The following NPTX2 variants were observed in gnomAD, a reference collection of about 807,000 sequenced individuals.
The protein encoded by NPTX2 is neuronal pentraxin 2.
In NPTX2, 23 loss-of-function variants were observed where a neutral mutation model predicts 38.1. The ratio of observed to expected loss-of-function variants is 0.60; its 90% confidence interval spans 0.43 to 0.85. The LOEUF (loss-of-function observed/expected upper bound fraction) is 0.85. Among genes scored for constraint, NPTX2 ranks in the 40% least tolerant of loss-of-function variants. The pLI is 0.00. For missense variants in NPTX2, 553 were observed against 615.3 expected (o/e 0.90, Z 1.07); for synonymous variants, 291 against 287.3 (o/e 1.01, Z -0.13).
intron 1 of NPTX2, 119 bp downstream of exon 1, chr7:98,618,006 GGGGTGAGCTGGACTTGA>G (rs1477612007): frequency 2.9e-6 from 3 of 1,027,364 alleles, no homozygotes; most frequent in Non-Finnish European, 4.1e-6. Context: ...ATCGTCCGTG[GGGGTGAGCTGGACTTGA>G]GGGTGAAAGG....
chr7:98,618,595 T>TCCCCCCCCC (rs1221869556), intron 1 of NPTX2, among the ~76,000 whole-genome samples: 60 of 29,112 alleles, frequency 2.1e-3, no homozygotes, highest in Admixed American at 3.2e-3. Flanking sequence ...TCCCCCTCCG[T>TCCCCCCCCC]CCCCCCCCCC....
Position 98,628,671 on chromosome 7 carries a change from C to A in NPTX2, c.*42C>A. 3 of 987,624 alleles carry A rather than the reference C, an allele frequency of 3.0e-6. No homozygotes were observed. The highest frequency in any genetic ancestry group is 2.6e-5 in the East Asian group (1 of 38,084). The allele number at this position is 987,624 out of a possible 1,614,324, so 61.2% of individuals were successfully genotyped here. On this transcript the variant is annotated 3_prime_UTR_variant, in exon 5 of 5. Transcript: ENST00000265634. ...CCAGGAGGCCGGGATCAGGCTGTTG[C>A]CATGGAAGTTCAGGGCCATAGACTG...
At position 98,625,034 on chromosome 7, in the gene NPTX2, C is replaced by G. The variant is rs142709332; in HGVS notation, c.756C>G (p.Ile252Met). The G allele has an allele frequency of 6.1e-4, 989 of 1,613,798 alleles. 1 individual carries two copies. Among genetic ancestry groups the G allele is most frequent in the Non-Finnish European group, 7.7e-4 (909 of 1,180,044 alleles). The stretch of plus-strand genomic sequence containing the variant: ...TGCCTGAGCTGTACGCCTTCACCAT[C>G]TGCCTGTGGCTGCGGTCCAGCGCCT... Reference protein sequence around the residue: ...KTLPELYAFTICLWLRSSASP... With the variant: ...KTLPELYAFTMCLWLRSSASP... The change falls in exon 3 of 5, where the codon ATC becomes ATG. Residue 252 changes from isoleucine to methionine, a missense_variant. Coordinates refer to ENST00000265634, the MANE Select transcript of NPTX2 (RefSeq NM_002523.3).
At chr7:98,626,494 A>AT (rs1791352839) in intron 3 of NPTX2, among the ~76,000 whole-genome samples, 1 of 152,128 alleles carries the variant, frequency 6.6e-6, no homozygotes, top group Non-Finnish European at 1.5e-5. Context: ...ATAACACCCT[A>AT]TGACACAGTG....
chr7:98,621,376 T>C (rs549355349), intron 2 of NPTX2, among the ~76,000 whole-genome samples: 1 of 152,278 alleles, frequency 6.6e-6, no homozygotes, highest in South Asian at 2.1e-4. Flanking sequence ...CTGCTGGCCA[T>C]TTATGCACCC....
rs1163743784 is a variant in NPTX2 at position 98,625,157 on chromosome 7, C to A, written c.879C>A (p.Ile293=). ...GCAACAACCCCATCGAGCTGCTCAT[C>A]AACGACAAGGTGAGGCCCGCCTGCA... ...EWGNNPIELL[I]NDKVAQLPLF... is the part of the protein sequence containing the mutation. Residue 293 remains isoleucine (I), a synonymous_variant, in exon 3 of 5, where the codon ATC becomes ATA. Transcript: ENST00000265634. The A allele has an allele frequency of 6.3e-7, 1 of 1,590,892 alleles. No individual in the cohort carries two copies. The highest frequency in any genetic ancestry group is 2.3e-5 in the East Asian group (1 of 44,422).
Position 98,628,444 on chromosome 7 carries a change from G to A in NPTX2, c.1111G>A (p.Gly371Arg), listed in dbSNP as rs1402756746. 1.2e-6 allele frequency: 2 copies of A among 1,611,066 alleles called. No individual in the cohort carries two copies. The highest frequency in any genetic ancestry group is 1.7e-6 in the Non-Finnish European group (2 of 1,178,124). Residue 371 changes from glycine (G) to arginine (R), a missense_variant, in exon 5 of 5, where the codon GGG (glycine) becomes AGG (arginine). By Grantham distance (125) the Gly-to-Arg change is moderately radical (BLOSUM62 -2). Coordinates refer to ENST00000265634, the MANE Select transcript of NPTX2 (RefSeq NM_002523.3). ...GTTTGATGCCACTCAGGCATTTGTC[G>A]GGGAGCTCAGCCAGTTCAACATATG... is the stretch of plus-strand genomic sequence containing the variant. ...GRFDATQAFV[G>R]ELSQFNIWDR...
intron 4 of NPTX2, 51 bp downstream of exon 4, chr7:98,627,395 CAG>C: frequency 6.5e-7 from 1 of 1,529,062 alleles, no homozygotes; most frequent in South Asian, 1.1e-5. Context: ...AGGATGGGCA[CAG>C]GGTGGCCGTG....
At chr7:98,622,312 C>T (rs1320019890) in intron 2 of NPTX2, among the ~76,000 whole-genome samples, 1 of 152,182 alleles carries the variant, frequency 6.6e-6, no homozygotes, top group Non-Finnish European at 1.5e-5. Flanking sequence ...GGTACAGGCC[C>T]CCTCCTCTGC....
At chr7:98,623,700 A>T (rs1462491621) in intron 2 of NPTX2, among the ~76,000 whole-genome samples, 2 of 152,220 alleles carry the variant, frequency 1.3e-5, no homozygotes, top group Non-Finnish European at 2.9e-5. Context: ...TCACCTCGGC[A>T]GTGGTAATTC....
At chr7:98,618,826 G>T (rs1023281685) in intron 1 of NPTX2, among the ~76,000 whole-genome samples, 1 of 151,764 alleles carries the variant, frequency 6.6e-6, no homozygotes, top group African/African-American at 2.4e-5. Flanking sequence ...GTTTCTTTTG[G>T]CGTGAGGGCT....
At chr7:98,624,568 G>A (rs530638732) in intron 2 of NPTX2, among the ~76,000 whole-genome samples, 34 of 152,202 alleles carry the variant, frequency 2.2e-4, no homozygotes, top group Non-Finnish European at 4.7e-4. Context: ...TCTTCTGCAG[G>A]TCTTTCCAGG....
chr7:98,624,836 G>T, intron 2 of NPTX2, 86 bp from the exon 3 acceptor site: 1 of 1,517,542 alleles, frequency 6.6e-7, no homozygotes, highest in African/African-American at 1.4e-5. Flanking sequence ...CTTCTTGTGG[G>T]TCTAGCAAGA....
chr7:98,619,347 A>C (rs181453664), intron 1 of NPTX2, among the ~76,000 whole-genome samples: 8 of 152,296 alleles, frequency 5.3e-5, no homozygotes, highest in African/African-American at 1.9e-4. Context: ...CCCAACATAG[A>C]ATTCTAGGCG....
At chr7:98,617,942 GGGCGGAAGACTC>G in intron 1 of NPTX2, 55 bp downstream of exon 1, 4 of 1,508,938 alleles carry the variant, frequency 2.7e-6, no homozygotes, top group Non-Finnish European at 2.6e-6. Flanking sequence ...CCCGAGTCGG[GGGCGGAAGACTC>G]GGGAGGATGG....
rs541392750 is a variant in NPTX2, at chr7:98,622,787, G to A, written c.644-2135G>A. On this transcript the variant is annotated intron_variant, in intron 2 of 4. Coordinates refer to ENST00000265634, the MANE Select transcript of NPTX2 (RefSeq NM_002523.3). ...TGCCCAGCAGCTCTGCAGTGGCATC[G>A]AGAGGTGCCCATCCTTAGGAGGTCA... is the stretch of plus-strand genomic sequence containing the variant. Among the ~76,000 whole-genome samples the A allele has an allele frequency of 3.5e-4, 54 of 152,292 alleles. 1 individual carries two copies. The highest frequency in any genetic ancestry group is 1.3e-3 in the African/African-American group (52 of 41,566).
chr7:98,623,824 C>T (rs763659746), intron 2 of NPTX2, among the ~76,000 whole-genome samples: 5 of 152,090 alleles, frequency 3.3e-5, no homozygotes, highest in Admixed American at 1.3e-4. Flanking sequence ...CTAGATCCTG[C>T]GAAGATTTCA....
intron 1 of NPTX2, among the ~76,000 whole-genome samples, chr7:98,618,554 TTCTC>T (rs1200343115): frequency 1.6e-5 from 2 of 124,444 alleles, no homozygotes; most frequent in African/African-American, 3.2e-5. Context: ...CCTCATTCCC[TTCTC>T]TCTCTCTCTC....
Position 98,628,944 on chromosome 7 carries a change from G to A in NPTX2, c.*315G>A. ...CCAGCAGCCCCTCTTCAGAGCCCCTGTAAATGCTATCGCAGCCTGAGTCCT... is the reference window on the plus strand; with the variant it reads ...CCAGCAGCCCCTCTTCAGAGCCCCTATAAATGCTATCGCAGCCTGAGTCCT... On this transcript the variant is annotated 3_prime_UTR_variant, in exon 5 of 5. Transcript: ENST00000265634. 1.4e-5 allele frequency: 4 copies of A among 277,506 alleles called. No individual in the cohort carries two copies. 17.2% of individuals were successfully genotyped at this position (277,506 alleles called of 1,614,324 possible).
Sources: gnomAD v4.1 joint callset for allele counts (sites outside exome capture counted in the v4.1 genomes callset) on GRCh38, gnomAD v4.1.1 for gene constraint, MANE v1.5 for transcripts, NCBI Gene and HGNC (gene_info 2026-07-23, HGNC 2026-07-21) for gene names.